DMD: variants seen among roughly 807,000 people sequenced by gnomAD.
DMD encodes the protein mutant dystrophin.
A neutral mutation model predicts 330.1 loss-of-function variants in DMD; 63 were observed. The ratio of observed to expected loss-of-function variants is 0.19; its 90% confidence interval spans 0.16 to 0.24. The LOEUF is 0.24. Ranked by LOEUF, DMD falls within the 10% of genes least tolerant of loss-of-function variation. The pLI is 1.00. For missense variants in DMD, 3,344 were observed against 2,684.1 expected, an observed-to-expected ratio of 1.25 and a Z score of -5.43; for synonymous variants, 1,223 against 959.8, an observed-to-expected ratio of 1.27 and a Z score of -5.07.
At chrX:31,475,919 A>T (rs753640814) in intron 59 of DMD, among the ~76,000 whole-genome samples, 17 of 111,849 alleles carry the variant, frequency 1.5e-4, no homozygotes, top group African/African-American at 5.2e-4. Context: ...ATAATGACTC[A>T]TAAACAGTTG....
chrX:32,697,434 T>A (rs192189113), intron 9 of DMD, among the ~76,000 whole-genome samples: 21 of 112,085 alleles, frequency 1.9e-4, no homozygotes, highest in Admixed American at 1.8e-3. Context: ...TTAGAATGAA[T>A]AGATAAAATA....
chrX:32,775,083 G>A (rs773022222), intron 7 of DMD, among the ~76,000 whole-genome samples: 2 of 112,500 alleles, frequency 1.8e-5, no homozygotes, highest in African/African-American at 6.4e-5. Context: ...CCAGGCAATC[G>A]TTAAATCTTA....
At position 31,574,866 on chromosome X, in the gene DMD, C is replaced by T. The variant is rs147473145; in HGVS notation, c.8217+52807G>A. Among the ~76,000 whole-genome samples the T allele has an allele frequency of 4.1e-3, 455 of 111,719 alleles. 5 individuals are homozygous for T. The highest frequency in any genetic ancestry group is 0.014 in the African/African-American group (433 of 30,794). ...TTTTCTAATCGTAGTTACTTTTCTCCTAATCTTTTGCAAATGTCACCTTCT... is the reference window on the plus strand; with the variant it reads ...TTTTCTAATCGTAGTTACTTTTCTCTTAATCTTTTGCAAATGTCACCTTCT... On this transcript the variant is annotated intron_variant, in intron 55 of 78. Transcript: ENST00000357033.
intron 1 of DMD, among the ~76,000 whole-genome samples, chrX:33,245,655 CT>C (rs1295832090): frequency 2.7e-5 from 3 of 112,105 alleles, no homozygotes; most frequent in Non-Finnish European, 5.6e-5. Context: ...GTGCTAGAAT[CT>C]CAGTTTAAAT....
chrX:32,166,141 G>A (rs1341614780), intron 44 of DMD, among the ~76,000 whole-genome samples: 1 of 111,176 alleles, frequency 9.0e-6, no homozygotes, highest in African/African-American at 3.3e-5. Flanking sequence ...AAAGAGGTCT[G>A]CCCAGACTGC....
chrX:32,658,373 A>G (rs1277011000), intron 9 of DMD, among the ~76,000 whole-genome samples: 1 of 111,305 alleles, frequency 9.0e-6, no homozygotes, highest in African/African-American at 3.3e-5. Flanking sequence ...AGGGCTAGAT[A>G]ATAGGTATCT....
chrX:31,827,027 C>T (rs1447993896), intron 49 of DMD, among the ~76,000 whole-genome samples: 2 of 111,983 alleles, frequency 1.8e-5, no homozygotes, highest in South Asian at 3.7e-4. Context: ...GTTAAGACAA[C>T]TATATCAAAC....
intron 1 of DMD, among the ~76,000 whole-genome samples, chrX:33,218,152 G>A (rs975285215): frequency 2.7e-5 from 3 of 111,281 alleles, no homozygotes; most frequent in Non-Finnish European, 5.7e-5. Context: ...ATGGGGCACT[G>A]AATTTTGTCA....
At chrX:33,312,849 T>C (rs2053871437) in intron 1 of DMD, among the ~76,000 whole-genome samples, 1 of 111,874 alleles carries the variant, frequency 8.9e-6, no homozygotes, top group African/African-American at 3.3e-5. Flanking sequence ...CTAAGGAACC[T>C]ATTTTCTTTC....
At chrX:31,711,116 C>A (rs2084603604) in intron 52 of DMD, among the ~76,000 whole-genome samples, 1 of 109,963 alleles carries the variant, frequency 9.1e-6, no homozygotes, top group Non-Finnish European at 1.9e-5. Context: ...TAAAATTGTG[C>A]CCTTTTCATG....
chrX:31,882,395 A>C (rs1046724548), intron 47 of DMD, among the ~76,000 whole-genome samples: 1 of 111,832 alleles, frequency 8.9e-6, no homozygotes, highest in African/African-American at 3.2e-5. Flanking sequence ...CATAAATTCT[A>C]GATTGTTTGC....
rs184868876 is a variant in DMD, at chrX:32,850,568, T to C, written c.94-748A>G. 3.6e-5 allele frequency among the ~76,000 whole-genome samples: 4 copies of C among 111,715 alleles called. No homozygotes were observed. In the East Asian group the frequency reaches 1.1e-3, roughly 32 times the overall value. The stretch of plus-strand genomic sequence containing the variant: ...CTCTAAGTATCTCATGTAAGATGAG[T>C]ATGTGGCTCTTTGTCATGAAACTAG... On this transcript the variant is annotated intron_variant, in intron 2 of 78. Coordinates refer to ENST00000357033, the MANE Select transcript of DMD (RefSeq NM_004006.3).
At chrX:32,726,953 T>C (rs922663443) in intron 7 of DMD, among the ~76,000 whole-genome samples, 1 of 110,496 alleles carries the variant, frequency 9.1e-6, no homozygotes, top group Non-Finnish European at 1.9e-5. Flanking sequence ...AGCCCAATAA[T>C]AAAGGCTGTG....
rs757190302 is a variant in DMD, at chrX:32,981,101, C to T, written c.93+39038G>A. On this transcript the variant is annotated intron_variant, in intron 2 of 78. Coordinates refer to ENST00000357033, the MANE Select transcript of DMD (RefSeq NM_004006.3). Reference sequence around the variant, plus strand: ...ACAGGGAAAACGGGCAATATTATTACCCTAGCGTAGTTCTCTCCACAATTG... The same window carrying T: ...ACAGGGAAAACGGGCAATATTATTATCCTAGCGTAGTTCTCTCCACAATTG... 1.3e-3 allele frequency among the ~76,000 whole-genome samples: 147 copies of T among 111,703 alleles called. 1 individual carries two copies. In the South Asian group the frequency reaches 0.013, roughly 10 times the overall value.
At chrX:31,916,087 A>C (rs780085423) in intron 47 of DMD, among the ~76,000 whole-genome samples, 1 of 111,888 alleles carries the variant, frequency 8.9e-6, no homozygotes, top group East Asian at 2.8e-4. Context: ...TTCTTGCATG[A>C]GAATAAGCCC....
intron 1 of DMD, among the ~76,000 whole-genome samples, chrX:33,229,494 GC>G (rs1319082409): frequency 3.5e-4 from 39 of 111,332 alleles, no homozygotes; most frequent in Non-Finnish European, 5.5e-4. Context: ...TGTTGAAAAG[GC>G]TATAGAAATG....
rs760226028 is a variant in DMD, at chrX:32,608,491, A to T, written c.1482+5812T>A. ...ATGGGAATGCAACAGAGATAGAAGG[A>T]AAAAAGGAAAGTCAGAGATTGAAGA... On this transcript the variant is annotated intron_variant, in intron 12 of 78. Coordinates refer to ENST00000357033, the MANE Select transcript of DMD (RefSeq NM_004006.3). Among the ~76,000 whole-genome samples, 6 of 110,662 alleles carry T rather than the reference A, an allele frequency of 5.4e-5. No individual in the cohort carries two copies. The Admixed American group carries it at 5.8e-4, about 11-fold the overall frequency.
chrX:32,737,625 G>A (rs929998783), intron 7 of DMD, among the ~76,000 whole-genome samples: 1 of 111,689 alleles, frequency 9.0e-6, no homozygotes, highest in South Asian at 3.7e-4. Flanking sequence ...ATGTATCTGT[G>A]GCAGAAAGAT....
At chrX:32,349,942 C>G (rs889869879) in intron 37 of DMD, among the ~76,000 whole-genome samples, 20 of 111,276 alleles carry the variant, frequency 1.8e-4, no homozygotes, top group South Asian at 1.1e-3. Context: ...AAATCATACA[C>G]TGTTTAGATG....
Sources: gnomAD v4.1 joint callset for allele counts (sites outside exome capture counted in the v4.1 genomes callset) on GRCh38, gnomAD v4.1.1 for gene constraint, MANE v1.5 for transcripts, NCBI Gene and HGNC (gene_info 2026-07-23, HGNC 2026-07-21) for gene names.